The following DLC1 variants were observed in gnomAD, a reference collection of about 807,000 sequenced individuals.
DLC1 encodes rho GTPase-activating protein 7.
Under a neutral mutation model 140.3 loss-of-function variants are expected in DLC1, and 54 were observed. That is an observed-to-expected ratio of 0.38 (90% CI 0.31 to 0.48). The LOEUF is 0.48. Among genes scored for constraint, DLC1 ranks in the 20% least tolerant of loss-of-function variants. The pLI is 0.96. For synonymous variants in DLC1, 986 were observed against 728.1 expected, an observed-to-expected ratio of 1.35 and a Z score of -5.70; for missense variants, 2,536 against 1,907.0, an observed-to-expected ratio of 1.33 and a Z score of -6.14.
At chr8:13,256,879 T>TAAAA (rs570193249) in intron 5 of DLC1, among the ~76,000 whole-genome samples, 4 of 105,214 alleles carry the variant, frequency 3.8e-5, no homozygotes, top group Non-Finnish European at 6.0e-5. Context: ...TCCCAGAACT[T>TAAAA]AAAAAAAAAA....
chr8:13,293,646 A>T (rs1831844680), intron 5 of DLC1, among the ~76,000 whole-genome samples: 1 of 152,220 alleles, frequency 6.6e-6, no homozygotes, highest in Non-Finnish European at 1.5e-5. Context: ...TCTTAGCCTG[A>T]TATAGCATAA....
In DLC1 at chr8:13,088,608, G is replaced by C; in HGVS notation, c.4171C>G (p.Leu1391Val). The change falls in exon 16 of 18, where the codon CTC becomes GTC. Residue 1391 changes from leucine (L) to valine (V), a missense_variant. Physicochemically the swap from Leu to Val is conservative, Grantham distance 32 (BLOSUM62 1). Transcript: ENST00000276297. ...GAATCCAACAGGTCTACATCCCAGAGGTGCTGTTCTTTAAGTAGGCGCTTT... is the reference window on the plus strand; with the variant it reads ...GAATCCAACAGGTCTACATCCCAGACGTGCTGTTCTTTAAGTAGGCGCTTT... ...ILKRLLKEQHLWDVDLLDSKV... is the reference protein window; with the variant it reads ...ILKRLLKEQHVWDVDLLDSKV... The C allele has an allele frequency of 6.2e-7, 1 of 1,614,144 alleles. No homozygotes were observed. The highest frequency in any genetic ancestry group is 8.5e-7 in the Non-Finnish European group (1 of 1,180,044).
chr8:13,506,341 C>A (rs547878087), intron 1 of DLC1, among the ~76,000 whole-genome samples: 1 of 151,602 alleles, frequency 6.6e-6, no homozygotes, highest in Admixed American at 6.6e-5. Context: ...CTAGGATATT[C>A]TATTAAATAT....
At chr8:13,383,654 G>A (rs551751365) in intron 4 of DLC1, among the ~76,000 whole-genome samples, 15 of 152,246 alleles carry the variant, frequency 9.9e-5, no homozygotes, top group Non-Finnish European at 2.1e-4. Context: ...GCTAGTCTGC[G>A]TGATCAGTAC....
intron 5 of DLC1, among the ~76,000 whole-genome samples, chr8:13,222,021 GAAGTT>G (rs1828582963): frequency 6.8e-6 from 1 of 147,764 alleles, no homozygotes; most frequent in Non-Finnish European, 1.5e-5. Flanking sequence ...TGCCAAGTGA[GAAGTT>G]AAACTTAGCT....
chr8:13,364,086 G>C (rs774330659), intron 4 of DLC1, among the ~76,000 whole-genome samples: 1 of 152,082 alleles, frequency 6.6e-6, no homozygotes, highest in African/African-American at 2.4e-5. Context: ...TTCAGCTTTA[G>C]AGAAAAGAGG....
intron 5 of DLC1, among the ~76,000 whole-genome samples, chr8:13,251,287 CAT>C (rs1441180520): frequency 2.0e-5 from 3 of 152,148 alleles, no homozygotes; most frequent in African/African-American, 4.8e-5. Context: ...AGAGCTTTAA[CAT>C]ATAAACTGCA....
rs142186007 is a variant in DLC1 at position 13,298,423 on chromosome 8, A to G, written c.1348+6846T>C. Among the ~76,000 whole-genome samples the G allele has an allele frequency of 2.7e-3, 415 of 152,334 alleles. 2 individuals carry two copies. Among genetic ancestry groups the G allele is most frequent in the African/African-American group, 9.6e-3 (400 of 41,578 alleles). ...AAATAAAAAGCTTTAGAATCGTGTT[A>G]ACTCTAAGTCAGTAAGATTATAGCC... On this transcript the variant is annotated intron_variant, in intron 5 of 17. Coordinates refer to ENST00000276297, the MANE Select transcript of DLC1 (RefSeq NM_182643.3).
At chr8:13,570,466 C>G (rs915930315) in intron 1 of DLC1, among the ~76,000 whole-genome samples, 1 of 123,274 alleles carries the variant, frequency 8.1e-6, no homozygotes, top group Admixed American at 9.3e-5. Context: ...CCACCACAGT[C>G]CCCAGAGTGT....
At chr8:13,372,279 G>T (rs1359919433) in intron 4 of DLC1, among the ~76,000 whole-genome samples, 1 of 152,072 alleles carries the variant, frequency 6.6e-6, no homozygotes, top group Non-Finnish European at 1.5e-5. Context: ...CGAGCCAAAG[G>T]TTCAAAATCA....
At chr8:13,353,765 G>A (rs11986743) in intron 4 of DLC1, among the ~76,000 whole-genome samples, 4,750 of 152,082 alleles carry the variant, frequency 0.031, 134 homozygotes, top group African/African-American at 0.071. Context: ...GCTGAGGCAG[G>A]AGAATTGCTT....
At chr8:13,362,321 G>T (rs931277695) in intron 4 of DLC1, among the ~76,000 whole-genome samples, 1 of 152,154 alleles carries the variant, frequency 6.6e-6, no homozygotes, top group Non-Finnish European at 1.5e-5. Context: ...ACATCATAGA[G>T]TCTGGCTTGG....
At position 13,282,064 on chromosome 8, in the gene DLC1, G is replaced by A. The variant is rs187664308; in HGVS notation, c.1348+23205C>T. On this transcript the variant is annotated intron_variant, in intron 5 of 17. Transcript: ENST00000276297. ...TGGATATCAGAATTACATAGGGTGG[G>A]GACTCGTCCCTCCTGTTAGAGTGGA... is the stretch of plus-strand genomic sequence containing the variant. 4.1e-3 allele frequency among the ~76,000 whole-genome samples: 619 copies of A among 152,170 alleles called. 6 individuals carry two copies. Among genetic ancestry groups the A allele is most frequent in the African/African-American group, 0.014 (593 of 41,508 alleles).
At chr8:13,399,503 A>G (rs1837205856) in intron 3 of DLC1, among the ~76,000 whole-genome samples, 2 of 152,276 alleles carry the variant, frequency 1.3e-5, no homozygotes, top group South Asian at 4.1e-4. Flanking sequence ...AACTTACATA[A>G]AGCTTAGCAC....
intron 2 of DLC1, among the ~76,000 whole-genome samples, chr8:13,412,789 G>C (rs543073461): frequency 2.0e-5 from 3 of 151,920 alleles, no homozygotes; most frequent in East Asian, 1.9e-4. Context: ...AAAATTAGCC[G>C]GGTGTGGTGG....
chr8:13,218,469 A>G (rs1028350750), intron 5 of DLC1, among the ~76,000 whole-genome samples: 16 of 152,142 alleles, frequency 1.1e-4, no homozygotes, highest in African/African-American at 3.9e-4. Flanking sequence ...GAAAAAATTT[A>G]CAAATCAGTA....
intron 2 of DLC1, among the ~76,000 whole-genome samples, chr8:13,425,144 T>G (rs1302750984): frequency 6.6e-6 from 1 of 151,788 alleles, no homozygotes; most frequent in East Asian, 1.9e-4. Flanking sequence ...AGGGTCATTA[T>G]CTCTCAGGGA....
chr8:13,266,196 T>A (rs112137269), intron 5 of DLC1, among the ~76,000 whole-genome samples: 174 of 152,384 alleles, frequency 1.1e-3, no homozygotes, highest in African/African-American at 3.7e-3. Flanking sequence ...GCATATTTTA[T>A]AAACTTATGA....
intron 2 of DLC1, among the ~76,000 whole-genome samples, chr8:13,477,083 A>C (rs139227742): frequency 1.1e-3 from 161 of 152,296 alleles, no homozygotes; most frequent in African/African-American, 3.7e-3. Context: ...CGTCTGCTAG[A>C]CAGCTTCCTA....
Sources: allele counts gnomAD v4.1 joint callset (sites outside exome capture counted in the v4.1 genomes callset), GRCh38; gene constraint gnomAD v4.1.1; transcripts MANE v1.5; gene names NCBI Gene and HGNC (gene_info 2026-07-23, HGNC 2026-07-21).